HDAC9: variants seen among roughly 807,000 people sequenced by gnomAD.
HDAC9 encodes the protein histone deacetylase 9, also known as MEF-2 interacting transcription repressor (MITR) protein.
Under a neutral mutation model 139.4 loss-of-function variants are expected in HDAC9, and 41 were observed. The observed-to-expected ratio is 0.29, with a 90% CI of 0.23 to 0.38. The LOEUF (loss-of-function observed/expected upper bound fraction) is 0.38, where lower values mean the gene tolerates loss of function less well. Among genes scored for constraint, HDAC9 ranks in the 10% least tolerant of loss-of-function variants. The pLI is 1.00. For synonymous variants in HDAC9, 517 were observed against 476.2 expected (o/e 1.09, Z -1.12); for missense variants, 1,147 against 1,297.0 (o/e 0.88, Z 1.78).
intron 1 of HDAC9, among the ~76,000 whole-genome samples, chr7:18,457,797 A>G (rs954314299): frequency 1.1e-4 from 16 of 150,744 alleles, no homozygotes; most frequent in African/African-American, 3.4e-4. Context: ...GAAATCACCT[A>G]TTTTCAGGTG....
At chr7:18,116,671 G>A (rs763766815) in intron 1 of HDAC9, among the ~76,000 whole-genome samples, 10 of 151,948 alleles carry the variant, frequency 6.6e-5, no homozygotes, top group Non-Finnish European at 1.5e-4. Context: ...TAATAGAGTT[G>A]ATTTAATAAA....
chr7:18,352,360 A>T (rs1212612648), intron 1 of HDAC9, among the ~76,000 whole-genome samples: 1 of 152,206 alleles, frequency 6.6e-6, no homozygotes, highest in Non-Finnish European at 1.5e-5. Context: ...AGAGGGAAAC[A>T]GTAGGTTGCC....
chr7:18,739,810 C>G (rs1174260388), intron 13 of HDAC9, among the ~76,000 whole-genome samples: 2 of 152,250 alleles, frequency 1.3e-5, no homozygotes, highest in African/African-American at 4.8e-5. Flanking sequence ...ATCTGTCAGA[C>G]AGGGACGTTT....
intron 6 of HDAC9, among the ~76,000 whole-genome samples, chr7:18,609,517 T>C (rs1836496366): frequency 6.6e-6 from 1 of 152,092 alleles, no homozygotes. Context: ...CAGCAAACTC[T>C]TCCCTCTGAG....
intron 1 of HDAC9, among the ~76,000 whole-genome samples, chr7:18,395,924 C>T (rs1397176520): frequency 1.3e-5 from 2 of 151,938 alleles, no homozygotes; most frequent in East Asian, 1.9e-4. Flanking sequence ...TATATATTGG[C>T]CTAGTAGTTG....
chr7:18,210,737 T>C (rs1791882156), intron 2 of HDAC9, among the ~76,000 whole-genome samples: 1 of 152,234 alleles, frequency 6.6e-6, no homozygotes, highest in South Asian at 2.1e-4. Flanking sequence ...GATTTGGACA[T>C]GAAGTAGCTT....
At chr7:18,139,530 C>G (rs1336724070) in intron 1 of HDAC9, among the ~76,000 whole-genome samples, 1 of 151,960 alleles carries the variant, frequency 6.6e-6, no homozygotes, top group Non-Finnish European at 1.5e-5. Context: ...TTTTCCGTGT[C>G]AGGGAAAAGT....
chr7:18,835,884 GTC>G lies in HDAC9; in HGVS notation c.2587-14_2587-13del. On this transcript the variant is annotated splice_polypyrimidine_tract_variant and intron_variant, in intron 20 of 25. Transcript: ENST00000686413. ...CTCTCTTCTCTGCCCACCGTGGTGT[GTC>G]TTTCTCTTCCCAGGTTGGAACAGGC... is the stretch of plus-strand genomic sequence containing the variant. 6.6e-7 allele frequency: 1 copy of G among 1,514,558 alleles called. No individual in the cohort carries two copies. The highest frequency in any genetic ancestry group is 9.0e-7 in the Non-Finnish European group (1 of 1,114,770). 93.8% of individuals were successfully genotyped at this position (1,514,558 alleles called of 1,614,324 possible). A position where few individuals can be genotyped will look rare whatever the true frequency, so the allele number is the denominator to read the frequency against.
Position 18,620,849 on chromosome 7 carries a change from T to C in HDAC9, c.665-8501T>C, listed in dbSNP as rs958220552. ...CATGTATGACCATTTTTTTTCCCGA[T>C]ATGTAAAGAGGTTATCATTGTTGTT... On this transcript the variant is annotated intron_variant, in intron 6 of 25. Transcript: ENST00000686413. Among the ~76,000 whole-genome samples the C allele has an allele frequency of 7.2e-5, 11 of 152,206 alleles. 1 individual carries two copies. The South Asian group carries it at 1.0e-3, about 14-fold the overall frequency.
intron 22 of HDAC9, among the ~76,000 whole-genome samples, chr7:18,913,797 C>G (rs1585297224): frequency 6.6e-6 from 1 of 152,016 alleles, no homozygotes; most frequent in East Asian, 1.9e-4. Flanking sequence ...ATGAAGCATC[C>G]ACGATTCAAT....
At chr7:18,100,264 T>G (rs890964099) in intron 1 of HDAC9, among the ~76,000 whole-genome samples, 8 of 152,186 alleles carry the variant, frequency 5.3e-5, no homozygotes, top group Admixed American at 3.9e-4. Flanking sequence ...AATTTGATTT[T>G]AATGTATCTT....
chr7:18,719,331 C>CTTTTTTTTTTTTTCTTTTTTTTTT (rs1784952145), intron 12 of HDAC9, among the ~76,000 whole-genome samples: 1 of 73,896 alleles, frequency 1.4e-5, no homozygotes, highest in African/African-American at 6.6e-5. Flanking sequence ...TTTTCTCTTC[C>CTTTTTTTTTTTTTCTTTTTTTTTT]TTTTTTTTTT....
At chr7:18,935,593 A>T (rs1781575364) in intron 22 of HDAC9, among the ~76,000 whole-genome samples, 1 of 152,114 alleles carries the variant, frequency 6.6e-6, no homozygotes, top group South Asian at 2.1e-4. Flanking sequence ...TGGTTGTGAT[A>T]CTTCTTAGCT....
At chr7:18,951,250 T>C (rs1202430459) in intron 23 of HDAC9, among the ~76,000 whole-genome samples, 1 of 152,006 alleles carries the variant, frequency 6.6e-6, no homozygotes, top group South Asian at 2.1e-4. Flanking sequence ...ATGTATATGG[T>C]ATATGCAACT....
chr7:18,734,684 C>T (rs1481587015), intron 13 of HDAC9, among the ~76,000 whole-genome samples: 2 of 152,190 alleles, frequency 1.3e-5, no homozygotes, highest in Non-Finnish European at 2.9e-5. Flanking sequence ...GTGAATAGTG[C>T]TACAATAAAC....
intron 25 of HDAC9, among the ~76,000 whole-genome samples, chr7:18,989,374 T>C (rs946536665): frequency 2.6e-5 from 4 of 152,016 alleles, no homozygotes; most frequent in Non-Finnish European, 4.4e-5. Context: ...TTTTCTTTAA[T>C]ATTGACCCCC....
chr7:18,496,879 A>G (rs1174894955), intron 2 of HDAC9: 1 of 152,224 alleles, frequency 6.6e-6, no homozygotes, highest in Non-Finnish European at 1.5e-5. Context: ...TTAGGATGAA[A>G]TAAAATTGTT....
At chr7:18,303,242 G>T (rs2128615508) in intron 1 of HDAC9, among the ~76,000 whole-genome samples, 1 of 151,968 alleles carries the variant, frequency 6.6e-6, no homozygotes, top group African/African-American at 2.4e-5. Flanking sequence ...TTTTGAGACG[G>T]AGTCTTGCTC....
In HDAC9 at chr7:18,666,316, C is replaced by T; in HGVS notation, c.1571C>T (p.Pro524Leu). ...CAGGCGATGCAGGAAGACAGAGCGC[C>T]CTCTAGTGGCAACAGCACTAGGAGC... The part of the protein sequence containing the change: ...GDQAMQEDRA[P>L]SSGNSTRSDS... Residue 524 changes from proline (P) to leucine (L), a missense_variant, in exon 12 of 26, where the codon CCC becomes CTC. Around this residue, in one of 7 missense-constraint regions of HDAC9, gnomAD observed 256 missense variants for 219.2 expected, o/e 1.17. Transcript: ENST00000686413. 1.9e-6 allele frequency: 3 copies of T among 1,613,418 alleles called. No individual in the cohort carries two copies. Among genetic ancestry groups the T allele is most frequent in the African/African-American group, 1.3e-5 (1 of 74,966 alleles).
Sources: allele counts gnomAD v4.1 joint callset (sites outside exome capture counted in the v4.1 genomes callset), GRCh38; gene constraint gnomAD v4.1.1; regional missense constraint gnomAD v4.1.1; transcripts MANE v1.5; gene names NCBI Gene and HGNC (gene_info 2026-07-23, HGNC 2026-07-21).